Variants in RGPD3 observed in about 807,000 individuals in gnomAD.
The protein encoded by RGPD3 is RANBP2 like and GRIP domain containing 3.
RGPD3 carries 62 observed loss-of-function variants against 154.5 expected under a neutral mutation model. That is an observed-to-expected ratio of 0.40 (90% CI 0.33 to 0.50). The LOEUF (loss-of-function observed/expected upper bound fraction) is 0.50, where lower values mean the gene tolerates loss of function less well. Ranked by LOEUF, RGPD3 falls within the 20% of genes least tolerant of loss-of-function variation. The pLI is 0.59. For missense variants in RGPD3, 919 were observed against 1,716.8 expected, an observed-to-expected ratio of 0.54 and a Z score of 8.21; for synonymous variants, 308 against 607.0, an observed-to-expected ratio of 0.51 and a Z score of 7.24.
chr2:106,417,585 G>T (rs1454229433), intron 20 of RGPD3, among the ~76,000 whole-genome samples: 1 of 149,708 alleles, frequency 6.7e-6, no homozygotes, highest in Non-Finnish European at 1.5e-5. Flanking sequence ...CCTCTTCCCG[G>T]GTTACAGTGT....
intron 22 of RGPD3, among the ~76,000 whole-genome samples, chr2:106,410,039 C>A (rs1676624713): frequency 6.6e-6 from 1 of 151,732 alleles, no homozygotes; most frequent in Non-Finnish European, 1.5e-5. Context: ...CCACGCCCAG[C>A]TAATTTTTGT....
intron 6 of RGPD3, among the ~76,000 whole-genome samples, chr2:106,449,868 T>A (rs1232741412): frequency 6.6e-6 from 1 of 150,500 alleles, no homozygotes; most frequent in Non-Finnish European, 1.5e-5. Context: ...ATACAAAAAA[T>A]TAGCTGGGTG....
At chr2:106,440,422 A>C (rs1677702843) in intron 8 of RGPD3, among the ~76,000 whole-genome samples, 1 of 151,852 alleles carries the variant, frequency 6.6e-6, no homozygotes, top group African/African-American at 2.4e-5. Context: ...AAGATATAAA[A>C]AAAAATACAG....
chr2:106,466,878 C>A (rs1456946622), intron 1 of RGPD3, among the ~76,000 whole-genome samples: 2 of 79,864 alleles, frequency 2.5e-5, no homozygotes, highest in African/African-American at 8.6e-5. Flanking sequence ...CCATCGAGGC[C>A]GCCGCCGGGC....
At chr2:106,462,254 A>G (rs1358529425) in intron 1 of RGPD3, among the ~76,000 whole-genome samples, 1 of 151,128 alleles carries the variant, frequency 6.6e-6, no homozygotes, top group Non-Finnish European at 1.5e-5. Flanking sequence ...TAATTCCATT[A>G]CCTTCTTTGC....
chr2:106,467,614 G>T (rs1460603036), intron 1 of RGPD3, among the ~76,000 whole-genome samples: 3 of 143,768 alleles, frequency 2.1e-5, no homozygotes, highest in Non-Finnish European at 4.6e-5. Context: ...GGCAGCCGCC[G>T]GGCCGGGTCG....
At chr2:106,412,154 C>T (rs1320743683) in intron 22 of RGPD3, among the ~76,000 whole-genome samples, 1 of 144,326 alleles carries the variant, frequency 6.9e-6, no homozygotes, top group Non-Finnish European at 1.5e-5. Flanking sequence ...AAAACTAAAA[C>T]AAAAACGAAA....
At chr2:106,466,979 C>T (rs1459469044) in intron 1 of RGPD3, among the ~76,000 whole-genome samples, 1 of 123,244 alleles carries the variant, frequency 8.1e-6, no homozygotes, top group African/African-American at 2.8e-5. Context: ...GCCGCAGGGC[C>T]AGGTCGAGGC....
chr2:106,451,748 G>T (rs1402284412), intron 6 of RGPD3, among the ~76,000 whole-genome samples: 2 of 151,774 alleles, frequency 1.3e-5, no homozygotes, highest in African/African-American at 2.4e-5. Context: ...AAATCACATA[G>T]TTCAGTTATT....
chr2:106,466,281 C>T (rs1304344882), intron 1 of RGPD3, among the ~76,000 whole-genome samples: 1 of 151,722 alleles, frequency 6.6e-6, no homozygotes, highest in African/African-American at 2.4e-5. Context: ...CACAGGACTG[C>T]GCCAGCCGGC....
Position 106,434,303 on chromosome 2 carries a change from A to C in RGPD3, c.2130T>G (p.Asn710Lys). Residue 710 changes from asparagine to lysine, a missense_variant, in exon 15 of 23, where the codon AAT (asparagine) becomes AAG (lysine). Transcript: ENST00000409886. ...GGTAGCCCCTGGTCTTTCTCAGATAATTTTTGCATTCTTCTTGTTCTTCAG... is the reference window on the plus strand; with the variant it reads ...GGTAGCCCCTGGTCTTTCTCAGATACTTTTTGCATTCTTCTTGTTCTTCAG... ...LSPEEQEECK[N>K]YLRKTRGYLI... 3 of 1,608,272 alleles carry C rather than the reference A, an allele frequency of 1.9e-6. No individual in the cohort carries two copies. Among genetic ancestry groups the C allele is most frequent in the Non-Finnish European group, 2.5e-6 (3 of 1,178,262 alleles).
At chr2:106,451,060 G>T (rs1260165727) in intron 6 of RGPD3, among the ~76,000 whole-genome samples, 3 of 139,784 alleles carry the variant, frequency 2.1e-5, no homozygotes, top group Non-Finnish European at 4.5e-5. Context: ...CTGCACTCCA[G>T]CCTGGTGACA....
intron 6 of RGPD3, among the ~76,000 whole-genome samples, chr2:106,451,475 G>A (rs1055853922): frequency 1.3e-5 from 2 of 148,776 alleles, no homozygotes; most frequent in African/African-American, 5.0e-5. Context: ...TGGCTTTACA[G>A]GCATACAATC....
intron 6 of RGPD3, among the ~76,000 whole-genome samples, chr2:106,449,965 C>T (rs1185393463): frequency 2.7e-5 from 4 of 148,234 alleles, no homozygotes; most frequent in South Asian, 2.2e-4. Context: ...TGCAGTGAGC[C>T]GAGATGGCGC....
chr2:106,407,004 C>T (rs1185005543), intron 22 of RGPD3, among the ~76,000 whole-genome samples: 6 of 151,426 alleles, frequency 4.0e-5, no homozygotes, highest in Non-Finnish European at 7.4e-5. Context: ...TTCACAGTTT[C>T]TGTGGGTCAG....
chr2:106,470,425 GC>G (rs1340555118), upstream of RGPD3, among the ~76,000 whole-genome samples: 1 of 152,160 alleles, frequency 6.6e-6, no homozygotes, highest in Non-Finnish European at 1.5e-5. Context: ...CAGAGATGAG[GC>G]TTTGATTTTG....
chr2:106,454,986 T>A (rs1346629021), intron 4 of RGPD3, among the ~76,000 whole-genome samples: 1 of 151,822 alleles, frequency 6.6e-6, no homozygotes, highest in Admixed American at 6.6e-5. Flanking sequence ...AACCTAGAAA[T>A]AACCAAAATG....
chr2:106,439,845 G>A (rs1231298137), intron 8 of RGPD3, among the ~76,000 whole-genome samples: 6 of 131,098 alleles, frequency 4.6e-5, no homozygotes, highest in East Asian at 2.2e-4. Flanking sequence ...CAGCCCGGGC[G>A]ACAGAGTAAG....
intron 1 of RGPD3, among the ~76,000 whole-genome samples, chr2:106,465,709 G>A (rs1049599485): frequency 4.6e-5 from 7 of 151,466 alleles, no homozygotes; most frequent in African/African-American, 1.7e-4. Context: ...CCATACTAAC[G>A]ATTTGTAAGA....
Sources: allele counts gnomAD v4.1 joint callset (sites outside exome capture counted in the v4.1 genomes callset), GRCh38; gene constraint gnomAD v4.1.1; transcripts MANE v1.5; gene names NCBI Gene and HGNC (gene_info 2026-07-23, HGNC 2026-07-21).